Variants in FBXO9 observed in about 807,000 individuals in gnomAD.
FBXO9 encodes F-box protein 9.
A neutral mutation model predicts 63.7 loss-of-function variants in FBXO9; 43 were observed. The ratio of observed to expected loss-of-function variants is 0.67; its 90% CI spans 0.53 to 0.87. The LOEUF (loss-of-function observed/expected upper bound fraction) is 0.87. FBXO9 is among the 40% of genes least tolerant of loss of function. The pLI, the probability that FBXO9 is intolerant of heterozygous loss-of-function variation, is 0.00. For synonymous variants in FBXO9, 156 were observed against 171.7 expected (o/e 0.91, Z 0.72); for missense variants, 442 against 533.2 (o/e 0.83, Z 1.68).
chr6:53,097,940 A>ATG lies in FBXO9; in HGVS notation c.*111_*112insGT, dbSNP rs1282199403. 4 of 104,320 alleles carry ATG rather than the reference A, an allele frequency of 3.8e-5. No homozygotes were observed. Among genetic ancestry groups the ATG allele is most frequent in the African/African-American group, 1.3e-4 (4 of 29,736 alleles). 6.5% of individuals were successfully genotyped at this position (104,320 alleles called of 1,614,324 possible). ...TGCGTGTGTGTGTATATATATATAT[A>ATG]TATATATATATATATATATATATAT... On this transcript the variant is annotated 3_prime_UTR_variant, in exon 13 of 13. Coordinates refer to ENST00000323557, the MANE Select transcript of FBXO9 (RefSeq NM_033480.3).
At chr6:53,096,868 T>C (rs1293590158) in intron 12 of FBXO9, among the ~76,000 whole-genome samples, 1 of 152,144 alleles carries the variant, frequency 6.6e-6, no homozygotes, top group Non-Finnish European at 1.5e-5. Context: ...ATCACACCAC[T>C]GCACTCCAGC....
chr6:53,091,675 A>G (rs977434991), intron 7 of FBXO9: 2 of 152,310 alleles, frequency 1.3e-5, no homozygotes, highest in African/African-American at 4.8e-5. Flanking sequence ...CCCCTGCACT[A>G]ATTTTTTAAA....
intron 5 of FBXO9, among the ~76,000 whole-genome samples, chr6:53,079,396 C>T (rs1475865126): frequency 6.6e-6 from 1 of 152,054 alleles, no homozygotes; most frequent in Non-Finnish European, 1.5e-5. Context: ...TTATTATTCT[C>T]TTAATGTTTT....
chr6:53,065,167 T>A (rs945841165), upstream of FBXO9: 1 of 152,240 alleles, frequency 6.6e-6, no homozygotes, highest in South Asian at 2.1e-4. Context: ...GCGGCTTGCT[T>A]TAAGGGCCCA....
At chr6:53,093,681 A>G (rs2816350) in intron 10 of FBXO9, 120 bp downstream of exon 10, 817,131 of 886,704 alleles carry the variant, frequency 0.92, 376,933 homozygotes, top group East Asian at 1. Context: ...GCAATCATTC[A>G]GGGTCTTAGG....
In FBXO9 at chr6:53,097,933, T is replaced by G. The variant is rs1235177757; in HGVS notation, c.*103T>G. ...GTGTGTGTGCGTGTGTGTGTATATA[T>G]ATATATATATATATATATATATATA... On this transcript the variant is annotated 3_prime_UTR_variant, in exon 13 of 13. Coordinates refer to ENST00000323557, the MANE Select transcript of FBXO9 (RefSeq NM_033480.3). The G allele has an allele frequency of 1.1e-4, 1 of 9,370 alleles. No homozygotes were observed. The highest frequency in any genetic ancestry group is 2.4e-4 in the African/African-American group (1 of 4,230). The allele number at this position is 9,370 out of a possible 1,614,324, so 0.6% of individuals were successfully genotyped here.
At chr6:53,078,598 A>T (rs561455904) in intron 4 of FBXO9, among the ~76,000 whole-genome samples, 1 of 152,364 alleles carries the variant, frequency 6.6e-6, no homozygotes, top group Admixed American at 6.5e-5. Context: ...AAAATACAAC[A>T]TCTTAAGTTT....
At chr6:53,072,022 G>A (rs1768933895) in intron 2 of FBXO9, among the ~76,000 whole-genome samples, 1 of 152,110 alleles carries the variant, frequency 6.6e-6, no homozygotes, top group Admixed American at 6.6e-5. Flanking sequence ...AAAAGTTGCT[G>A]TAACTAGTTA....
chr6:53,076,701 T>G lies in FBXO9; in HGVS notation c.307+158T>G, dbSNP rs200311817. ...ATTGGAAATTGGTTCCAGGACCCTT[T>G]GTAGATACCAAAATGCTCAAGTCCT... On this transcript the variant is annotated intron_variant, in intron 4 of 12. Transcript: ENST00000323557. Among the ~76,000 whole-genome samples, 11 of 152,226 alleles carry G rather than the reference T, an allele frequency of 7.2e-5. No homozygotes were observed. The East Asian group carries it at 2.1e-3, about 29-fold the overall frequency.
chr6:53,100,049 T>C lies in FBXO9; in HGVS notation c.*2219T>C, dbSNP rs1454288451. On this transcript the variant is annotated 3_prime_UTR_variant, in exon 13 of 13. Coordinates refer to ENST00000323557, the MANE Select transcript of FBXO9 (RefSeq NM_033480.3). Reference sequence around the variant, plus strand: ...AAAGATTTCTTTGTAAGCAGTAAAGTGACTTTCACTTATTTAACTTAGAAC... The same window carrying C: ...AAAGATTTCTTTGTAAGCAGTAAAGCGACTTTCACTTATTTAACTTAGAAC... 6.6e-6 allele frequency: 1 copy of C among 152,216 alleles called. No individual in the cohort carries two copies. Among genetic ancestry groups the C allele is most frequent in the Non-Finnish European group, 1.5e-5 (1 of 68,034 alleles). The allele number at this position is 152,216 out of a possible 1,614,324, so 9.4% of individuals were successfully genotyped here.
At position 53,093,788 on chromosome 6, in the gene FBXO9, T is replaced by G. The variant is rs1763119337; in HGVS notation, c.960-97T>G. The stretch of plus-strand genomic sequence containing the variant: ...TTTACTCAATCCTAGCTGATTCTTT[T>G]CAAGCAAGAGTAAACACTGTTGTAA... On this transcript the variant is annotated intron_variant, in intron 10 of 12. Coordinates refer to ENST00000323557, the MANE Select transcript of FBXO9 (RefSeq NM_033480.3). 4 of 1,027,022 alleles carry G rather than the reference T, an allele frequency of 3.9e-6. No homozygotes were observed. In the South Asian group the frequency reaches 5.0e-5, roughly 13 times the overall value. The allele number at this position is 1,027,022 out of a possible 1,614,324, so 63.6% of individuals were successfully genotyped here.
Position 53,073,480 on chromosome 6 carries a change from G to A in FBXO9, c.91-1G>A. 6.2e-7 allele frequency: 1 copy of A among 1,613,102 alleles called. No individual in the cohort carries two copies. The highest frequency in any genetic ancestry group is 8.5e-7 in the Non-Finnish European group (1 of 1,179,466). On this transcript the variant is annotated splice_acceptor_variant, in intron 2 of 12. Transcript: ENST00000323557. LOFTEE classifies it high-confidence loss of function. ...GTCCTAAAATGCTGTTCTCCCCATAGGCACAACTCCAGATGTTCCGAGCTC... is the reference window on the plus strand; with the variant it reads ...GTCCTAAAATGCTGTTCTCCCCATAAGCACAACTCCAGATGTTCCGAGCTC...
At chr6:53,075,851 C>T (rs537416072) in intron 3 of FBXO9, among the ~76,000 whole-genome samples, 1 of 133,260 alleles carries the variant, frequency 7.5e-6, no homozygotes, top group Admixed American at 9.1e-5. Flanking sequence ...TCAACTGATT[C>T]TCCTGCCTCA....
At chr6:53,065,892 A>G in intron 1 of FBXO9, 100 bp downstream of exon 1, 2 of 1,225,154 alleles carry the variant, frequency 1.6e-6, no homozygotes, top group Non-Finnish European at 2.1e-6. Flanking sequence ...GACTCTGGGG[A>G]GGAGTGGGAG....
intron 7 of FBXO9, among the ~76,000 whole-genome samples, chr6:53,087,341 C>CAAAAA (rs58776188): frequency 4.1e-5 from 2 of 48,408 alleles, no homozygotes; most frequent in African/African-American, 7.3e-5. Flanking sequence ...GATCCTATCT[C>CAAAAA]AAAAAAAAAA....
intron 11 of FBXO9, 70 bp downstream of exon 11, chr6:53,094,048 GAAC>G (rs1003835313): frequency 2.6e-5 from 23 of 885,784 alleles, no homozygotes; most frequent in East Asian, 5.8e-5. Flanking sequence ...GTCTCGATTA[GAAC>G]AACAACAAAA....
At chr6:53,072,463 G>T (rs1768956234) in intron 2 of FBXO9, among the ~76,000 whole-genome samples, 1 of 152,174 alleles carries the variant, frequency 6.6e-6, no homozygotes, top group Admixed American at 6.5e-5. Flanking sequence ...CATCCTCGAG[G>T]GAGTTCTGAA....
At chr6:53,067,689 A>G (rs1768757086) in intron 1 of FBXO9, among the ~76,000 whole-genome samples, 1 of 152,148 alleles carries the variant, frequency 6.6e-6, no homozygotes, top group Non-Finnish European at 1.5e-5. Flanking sequence ...TGCAATAATA[A>G]AGCAGACTCT....
chr6:53,079,173 T>G (rs1043249909), intron 5 of FBXO9, among the ~76,000 whole-genome samples: 2 of 151,576 alleles, frequency 1.3e-5, no homozygotes, highest in Non-Finnish European at 2.9e-5. Flanking sequence ...CTGAAAGGAG[T>G]AAATTAAAGG....
Sources: allele counts gnomAD v4.1 joint callset (sites outside exome capture counted in the v4.1 genomes callset), GRCh38; gene constraint gnomAD v4.1.1; transcripts MANE v1.5; gene names NCBI Gene and HGNC (gene_info 2026-07-23, HGNC 2026-07-21).